The following NSD3 variants were observed in gnomAD, a reference collection of about 807,000 sequenced individuals.
The protein encoded by NSD3 is nuclear receptor binding SET domain protein 3, also known as histone-lysine N-methyltransferase NSD3.
In NSD3, 24 loss-of-function variants were observed where a neutral mutation model predicts 160.8. That is an observed-to-expected ratio of 0.15 (90% CI 0.11 to 0.21). The LOEUF (loss-of-function observed/expected upper bound fraction) is 0.21. Ranked by LOEUF, NSD3 falls within the 10% of genes least tolerant of loss-of-function variation. The probability of loss-of-function intolerance (pLI) is 1.00; values close to 1 mark genes in which losing one functional copy is unlikely to be tolerated. For missense variants in NSD3, 1,157 were observed against 1,735.9 expected, an observed-to-expected ratio of 0.67 and a Z score of 5.93; for synonymous variants, 520 against 600.0, an observed-to-expected ratio of 0.87 and a Z score of 1.95.
At chr8:38,306,997 C>T (rs1437063174) in intron 12 of NSD3, among the ~76,000 whole-genome samples, 6 of 151,242 alleles carry the variant, frequency 4.0e-5, no homozygotes, top group African/African-American at 1.5e-4. Context: ...CGCCTGTAGT[C>T]GCAGCTACTC....
chr8:38,322,518 A>C (rs957321107), intron 7 of NSD3, among the ~76,000 whole-genome samples: 1 of 152,224 alleles, frequency 6.6e-6, no homozygotes, highest in Non-Finnish European at 1.5e-5. Flanking sequence ...TTAAAAACGA[A>C]CAAAAAAATA....
intron 4 of NSD3, among the ~76,000 whole-genome samples, chr8:38,331,930 G>A (rs976176287): frequency 6.6e-6 from 1 of 152,364 alleles, no homozygotes; most frequent in African/African-American, 2.4e-5. Flanking sequence ...TAGCATGTAA[G>A]GAGTTCTTGT....
intron 18 of NSD3, among the ~76,000 whole-genome samples, chr8:38,289,091 A>G (rs1808934824): frequency 1.3e-5 from 2 of 152,240 alleles, no homozygotes; most frequent in South Asian, 4.1e-4. Flanking sequence ...GTGGCGGGAT[A>G]ACCTGGTAGA....
chr8:38,290,469 G>A lies in NSD3; in HGVS notation c.3118+6C>T, dbSNP rs1808976548. Reference sequence around the variant, plus strand: ...TTTGAGTCACTGTAAACATCATCCAGCTTACCCTTTTTGAAGGTCTTGTTA... The same window carrying A: ...TTTGAGTCACTGTAAACATCATCCAACTTACCCTTTTTGAAGGTCTTGTTA... On this transcript the variant is annotated splice_donor_region_variant and intron_variant, in intron 17 of 23. Coordinates refer to ENST00000317025, the MANE Select transcript of NSD3 (RefSeq NM_023034.2). 4 of 1,613,864 alleles carry A rather than the reference G, an allele frequency of 2.5e-6. No individual in the cohort carries two copies. The highest frequency in any genetic ancestry group is 3.4e-6 in the Non-Finnish European group (4 of 1,179,922).
intron 1 of NSD3, among the ~76,000 whole-genome samples, chr8:38,349,631 G>A (rs1472449865): frequency 3.5e-5 from 5 of 142,950 alleles, no homozygotes; most frequent in Non-Finnish European, 7.6e-5. Context: ...ATAGTTGCCA[G>A]TATCTACTTA....
In NSD3 at chr8:38,321,085, ATCT is replaced by A; in HGVS notation, c.1793_1795del (p.Lys598del). 6.2e-7 allele frequency: 1 copy of A among 1,613,326 alleles called. No homozygotes were observed. Among genetic ancestry groups the A allele is most frequent in the Non-Finnish European group, 8.5e-7 (1 of 1,179,834 alleles). On this transcript the variant is annotated inframe_deletion, in exon 8 of 24. Transcript: ENST00000317025. This position sits in a 1 kb window ranked among gnomAD's most constrained non-coding sequence, Gnocchi z 4.7. ...TAGGAAGCCAACCTGCTCCTTTTTG[ATCT>A]TCTTCTTTGGCACAACCTCAGTGGA... is the stretch of plus-strand genomic sequence containing the variant.
Position 38,278,228 on chromosome 8 carries a change from G to A in NSD3, c.3867+78C>T, listed in dbSNP as rs183796929. ...GCTGGGATTACAGGCATGAGCCACC[G>A]CGCCCGGCCAAACAGACTTCTTAAC... On this transcript the variant is annotated intron_variant, in intron 22 of 23. Coordinates refer to ENST00000317025, the MANE Select transcript of NSD3 (RefSeq NM_023034.2). 5.2e-3 allele frequency: 6,939 copies of A among 1,322,684 alleles called. 23 individuals carry two copies. The highest frequency in any genetic ancestry group is 6.3e-3 in the Non-Finnish European group (6,019 of 952,528). The allele number at this position is 1,322,684 out of a possible 1,614,324, so 81.9% of individuals were successfully genotyped here. A position where few individuals can be genotyped will look rare whatever the true frequency, so the allele number is the denominator to read the frequency against.
chr8:38,334,416 C>T (rs538602690), intron 4 of NSD3, among the ~76,000 whole-genome samples: 12 of 152,164 alleles, frequency 7.9e-5, no homozygotes, highest in Non-Finnish European at 1.8e-4. Flanking sequence ...GGTTGCACAA[C>T]TCTGTGAATG....
chr8:38,307,378 T>C (rs1174170019), intron 12 of NSD3, among the ~76,000 whole-genome samples: 1 of 151,894 alleles, frequency 6.6e-6, no homozygotes, highest in Non-Finnish European at 1.5e-5. Flanking sequence ...GGAGTTTAAG[T>C]TGGAAGCAGC....
intron 14 of NSD3, 85 bp from the exon 15 acceptor site, chr8:38,299,675 T>C: frequency 7.5e-7 from 1 of 1,341,922 alleles, no homozygotes; most frequent in Non-Finnish European, 9.7e-7. Flanking sequence ...ACCTATTATG[T>C]ATGCTTCAAA....
At chr8:38,275,992 A>G in intron 23 of NSD3, 110 bp from the exon 24 acceptor site, 12 of 975,346 alleles carry the variant, frequency 1.2e-5, no homozygotes, top group South Asian at 5.0e-5. Flanking sequence ...ATGGAATTCA[A>G]TTGAATACAA....
intron 14 of NSD3, among the ~76,000 whole-genome samples, chr8:38,302,316 C>A (rs1307392847): frequency 2.0e-5 from 3 of 152,168 alleles, no homozygotes. Flanking sequence ...TTTATAAATA[C>A]TTATAAAAGA....
intron 19 of NSD3, among the ~76,000 whole-genome samples, chr8:38,284,456 T>C (rs988035016): frequency 6.6e-6 from 1 of 152,256 alleles, no homozygotes; most frequent in African/African-American, 2.4e-5. Flanking sequence ...TGGCGTGATC[T>C]TGGCCCACTG....
intron 1 of NSD3, among the ~76,000 whole-genome samples, chr8:38,364,140 G>A (rs977800449): frequency 2.0e-5 from 3 of 152,118 alleles, no homozygotes; most frequent in Admixed American, 1.3e-4. Context: ...AGCCAGGCAT[G>A]GTGATGCGCG....
intron 16 of NSD3, among the ~76,000 whole-genome samples, chr8:38,295,143 CAAAA>C (rs746596031): frequency 8.5e-5 from 3 of 35,324 alleles, no homozygotes; most frequent in African/African-American, 3.6e-4. Flanking sequence ...CACTCCGTCT[CAAAA>C]AAAAAAAAAA....
In NSD3 at chr8:38,304,670, T is replaced by A. The variant is rs747665869; in HGVS notation, c.2528A>T (p.Tyr843Phe). Residue 843 changes from tyrosine to phenylalanine, a missense_variant, in exon 14 of 24, where the codon TAC (tyrosine) becomes TTC (phenylalanine). Transcript: ENST00000317025. Reference protein sequence around the residue: ...IAAGSMLVSSYILICSNHSKR... With the variant: ...IAAGSMLVSSFILICSNHSKR... The stretch of plus-strand genomic sequence containing the variant: ...GGAATGATTACTACAGATGAGAATG[T>A]AGGAGGATACTAACATGCTTCCGGC... The A allele has an allele frequency of 6.2e-7, 1 of 1,613,956 alleles. No individual in the cohort carries two copies. The highest frequency in any genetic ancestry group is 1.3e-5 in the African/African-American group (1 of 74,922).
chr8:38,272,502 C>G lies in NSD3; in HGVS notation c.*3139G>C, dbSNP rs958118960. On this transcript the variant is annotated 3_prime_UTR_variant, in exon 24 of 24. Transcript: ENST00000317025. ...GCCACAGGCAGCTCTTCTGATTCTT[C>G]CCTCGCAGCAGTGGCGGTCCAGCCC... 1 of 152,312 alleles carries G rather than the reference C, an allele frequency of 6.6e-6. No individual in the cohort carries two copies. Among genetic ancestry groups the G allele is most frequent in the East Asian group, 1.9e-4 (1 of 5,200 alleles). The allele number at this position is 152,312 out of a possible 1,614,324, so 9.4% of individuals were successfully genotyped here. A position where few individuals can be genotyped will look rare whatever the true frequency, so the allele number is the denominator to read the frequency against.
intron 19 of NSD3, 37 bp from the exon 20 acceptor site, chr8:38,281,620 T>G: frequency 7.0e-7 from 1 of 1,430,924 alleles, no homozygotes; most frequent in Non-Finnish European, 9.7e-7. Context: ...TTAAAATCAG[T>G]GTATTATATA....
rs1340143113 is a variant in NSD3 at position 38,275,762 on chromosome 8, G to A, written c.4193C>T (p.Ala1398Val). 1 of 1,614,190 alleles carries A rather than the reference G, an allele frequency of 6.2e-7. No homozygotes were observed. The change falls in exon 24 of 24, where the codon GCA (alanine) becomes GTA (valine). Residue 1398 changes from alanine (A) to valine (V), a missense_variant. By Grantham distance (64) the Ala-to-Val change is moderately conservative. Coordinates refer to ENST00000317025, the MANE Select transcript of NSD3 (RefSeq NM_023034.2). ...CGAGCAGCAGAGGCGGCCTTCCAGT[G>A]CAGAGGGAACCAGGGCCCCCTTTTC... is the stretch of plus-strand genomic sequence containing the variant. ...DHEKGALVPS[A>V]LEGRLCCSEH... is the part of the protein sequence containing the mutation.
Sources: gnomAD v4.1 joint callset for allele counts (sites outside exome capture counted in the v4.1 genomes callset) on GRCh38, gnomAD v4.1.1 for gene constraint, Gnocchi (gnomAD v3.1) non-coding constraint, MANE v1.5 for transcripts, NCBI Gene and HGNC (gene_info 2026-07-23, HGNC 2026-07-21) for gene names.